Variants in ASB16 observed in about 807,000 individuals in gnomAD.
The protein encoded by ASB16 is ankyrin repeat and SOCS box containing 16, also known as ankyrin repeat and SOCS box protein 16.
ASB16 carries 44 observed loss-of-function variants against 39.1 expected under a neutral mutation model. The observed-to-expected ratio is 1.13, with a 90% CI of 0.88 to 1.45. The LOEUF is 1.45. ASB16 is among the 40% of genes most tolerant of loss of function. ASB16 has a pLI of 0.00. For missense variants in ASB16, 698 were observed against 634.5 expected, an observed-to-expected ratio of 1.10 and a Z score of -1.07; for synonymous variants, 305 against 286.7, an observed-to-expected ratio of 1.06 and a Z score of -0.64.
intron 4 of ASB16, 43 bp from the exon 5 acceptor site, chr17:44,178,162 G>A (rs756732895): frequency 2.5e-6 from 4 of 1,602,792 alleles, no homozygotes; most frequent in Non-Finnish European, 3.4e-6. Context: ...GCCCCCAGAT[G>A]GTAGGGCAAG....
intron 1 of ASB16, among the ~76,000 whole-genome samples, 168 bp downstream of exon 1, chr17:44,171,258 T>C (rs978391534): frequency 1.3e-5 from 2 of 152,098 alleles, no homozygotes; most frequent in Non-Finnish European, 2.9e-5. Flanking sequence ...GTTAGCAGTC[T>C]GTATGTCTTT....
chr17:44,177,412 A>G, intron 3 of ASB16, 182 bp downstream of exon 3: 1 of 1,152,096 alleles, frequency 8.7e-7, no homozygotes, highest in Non-Finnish European at 1.2e-6. Context: ...AAGGGAGGGA[A>G]GAGCCCCAGA....
chr17:44,177,952 T>A, intron 4 of ASB16: 1 of 680,770 alleles, frequency 1.5e-6, no homozygotes, highest in Non-Finnish European at 2.5e-6. Flanking sequence ...TTATCTGGCA[T>A]CTCTTAACTT....
chr17:44,178,498 A>AG lies in ASB16; in HGVS notation c.*109dup. The AG allele has an allele frequency of 9.2e-6, 11 of 1,190,482 alleles. No homozygotes were observed. Among genetic ancestry groups the AG allele is most frequent in the Non-Finnish European group, 1.3e-5 (11 of 863,866 alleles). 73.7% of individuals were successfully genotyped at this position (1,190,482 alleles called of 1,614,324 possible). A position where few individuals can be genotyped will look rare whatever the true frequency, so the allele number is the denominator to read the frequency against. On this transcript the variant is annotated 3_prime_UTR_variant, in exon 5 of 5. Coordinates refer to ENST00000293414, the MANE Select transcript of ASB16 (RefSeq NM_080863.5). ...CTCTTTTCTTTTCTTTTTGAGACCT[A>AG]GTCTCACTCTGTTGCCCAGGCTGGA...
chr17:44,177,401 C>T (rs1269100426), intron 3 of ASB16, 171 bp downstream of exon 3: 1 of 1,190,038 alleles, frequency 8.4e-7, no homozygotes, highest in Non-Finnish European at 1.2e-6. Context: ...AGAGAGAGTC[C>T]AAGGGAGGGA....
rs778890473 is a variant in ASB16 at position 44,172,295 on chromosome 17, C to G, written c.551C>G (p.Thr184Arg). 1 of 1,612,810 alleles carries G rather than the reference C, an allele frequency of 6.2e-7. No homozygotes were observed. Among genetic ancestry groups the G allele is most frequent in the South Asian group, 1.1e-5 (1 of 91,080 alleles). Residue 184 changes from threonine (T) to arginine (R), a missense_variant, in exon 2 of 5, where the codon ACG becomes AGG. Physicochemically the swap from Thr to Arg is moderately conservative, Grantham distance 71. Coordinates refer to ENST00000293414, the MANE Select transcript of ASB16 (RefSeq NM_080863.5). ...EEGTTPLHLC[T>R]IPESLQCAKL... ...GGCACGACTCCTTTGCACCTCTGCA[C>G]GATCCCCGAGTCCTTGCAGTAGGTG...
Position 44,177,740 on chromosome 17 carries a change from C to A in ASB16, c.1176+18C>A. On this transcript the variant is annotated intron_variant, in intron 4 of 4. Transcript: ENST00000293414. ...TGTGGAAGGTATGTTTGCCTCAGGG[C>A]CGAGATGGGGAGGAGGGACGAGCCA... is the stretch of plus-strand genomic sequence containing the variant. 6.2e-7 allele frequency: 1 copy of A among 1,610,328 alleles called. No homozygotes were observed. The highest frequency in any genetic ancestry group is 1.1e-5 in the South Asian group (1 of 90,586).
rs551504997 is a variant in ASB16, at chr17:44,178,511, T to C, written c.*121T>C. The stretch of plus-strand genomic sequence containing the variant: ...TTTTTGAGACCTAGTCTCACTCTGT[T>C]GCCCAGGCTGGAGTGCAGTGGCGCT... On this transcript the variant is annotated 3_prime_UTR_variant, in exon 5 of 5. Coordinates refer to ENST00000293414, the MANE Select transcript of ASB16 (RefSeq NM_080863.5). The C allele has an allele frequency of 8.8e-5, 98 of 1,119,166 alleles. No homozygotes were observed. The African/African-American group carries it at 1.5e-3, about 17-fold the overall frequency. The allele number at this position is 1,119,166 out of a possible 1,614,324, so 69.3% of individuals were successfully genotyped here.
chr17:44,171,923 G>A, intron 1 of ASB16, 123 bp from the exon 2 acceptor site: 3 of 1,024,362 alleles, frequency 2.9e-6, no homozygotes, highest in Non-Finnish European at 4.2e-6. Context: ...GCCTGGCAGT[G>A]TTTGTGCTCA....
chr17:44,176,918 G>A lies in ASB16; in HGVS notation c.750G>A (p.Ala250=), dbSNP rs200176006. 2.8e-4 allele frequency: 438 copies of A among 1,558,414 alleles called. 1 individual carries two copies. The highest frequency in any genetic ancestry group is 1.1e-3 in the Middle Eastern group (6 of 5,574). Residue 250 remains alanine, a synonymous_variant, in exon 3 of 5, where the codon GCG becomes GCA. Transcript: ENST00000293414. The part of the protein sequence containing the change: ...TSQGETALNT[A]CAGAEGPGSC... The stretch of plus-strand genomic sequence containing the variant: ...AGGGCGAGACTGCGCTGAACACGGC[G>A]TGCGCTGGGGCCGAGGGCCCAGGTA...
At chr17:44,177,963 G>T in intron 4 of ASB16, 2 of 678,710 alleles carry the variant, frequency 2.9e-6, no homozygotes, top group East Asian at 5.5e-5. Context: ...CTCTTAACTT[G>T]GTGGGCACTG....
rs533070975 is a variant in ASB16, at chr17:44,177,199, T to C, written c.1031T>C (p.Leu344Pro). Residue 344 changes from leucine (L) to proline (P), a missense_variant, in exon 3 of 5, where the codon CTG (leucine) becomes CCG (proline). Coordinates refer to ENST00000293414, the MANE Select transcript of ASB16 (RefSeq NM_080863.5). ...WEPEVLFAAL[L>P]DYGAQPVRPE... ...CCTGAAGTCCTTTTCGCCGCACTGC[T>C]GGACTACGGGGCGCAGCCAGTGCGC... The C allele has an allele frequency of 2.1e-5, 32 of 1,541,672 alleles. No individual in the cohort carries two copies. In the South Asian group the frequency reaches 3.6e-4, roughly 17 times the overall value.
At position 44,177,645 on chromosome 17, in the gene ASB16, G is replaced by T. The variant is rs376241371; in HGVS notation, c.1099G>T (p.Glu367Ter). ...CTGCGCCAACTTCCCTCGGGCCCTGGAAGTCCTGCTTAATGCCTATCCTTG... is the reference window on the plus strand; with the variant it reads ...CTGCGCCAACTTCCCTCGGGCCCTGTAAGTCCTGCTTAATGCCTATCCTTG... ...KHCANFPRAL[E>*]VLLNAYPCVP... The change falls in exon 4 of 5, where the codon GAA becomes TAA. Residue 367 changes from glutamate to a stop codon, truncating the protein, a stop_gained. Coordinates refer to ENST00000293414, the MANE Select transcript of ASB16 (RefSeq NM_080863.5). LOFTEE classifies it high-confidence loss of function. 5 of 1,613,910 alleles carry T rather than the reference G, an allele frequency of 3.1e-6. No individual in the cohort carries two copies. In the South Asian group the frequency reaches 5.5e-5, roughly 18 times the overall value.
rs762340517 is a variant in ASB16 at position 44,176,931 on chromosome 17, G to A, written c.763G>A (p.Glu255Lys). 7 of 1,536,120 alleles carry A rather than the reference G, an allele frequency of 4.6e-6. No homozygotes were observed. Among genetic ancestry groups the A allele is most frequent in the East Asian group, 2.4e-5 (1 of 40,986 alleles). ...GCTGAACACGGCGTGCGCTGGGGCC[G>A]AGGGCCCAGGTAGCTGCAGGCGACA... ...TALNTACAGA[E>K]GPGSCRRHQA... is the part of the protein sequence containing the mutation. Residue 255 changes from glutamate (E) to lysine (K), a missense_variant, in exon 3 of 5, where the codon GAG becomes AAG. By Grantham distance (56) the Glu-to-Lys change is moderately conservative (BLOSUM62 1). Transcript: ENST00000293414.
In ASB16 at chr17:44,177,019, G is replaced by A. The variant is rs1243991924; in HGVS notation, c.851G>A (p.Arg284His). ...GATGCCCGGGCGGCCGGGCGCAAGC[G>A]CCACACGCCGCTGCACAACGCTTGT... ...GADARAAGRK[R>H]HTPLHNACAN... is the part of the protein sequence containing the mutation. The change falls in exon 3 of 5, where the codon CGC (arginine) becomes CAC (histidine). Residue 284 changes from arginine (R) to histidine (H), a missense_variant. Physicochemically the swap from Arg to His is conservative, Grantham distance 29. Transcript: ENST00000293414. The A allele has an allele frequency of 8.1e-6, 12 of 1,489,652 alleles. No homozygotes were observed. The highest frequency in any genetic ancestry group is 1.5e-5 in the African/African-American group (1 of 67,784). The allele number at this position is 1,489,652 out of a possible 1,614,324, so 92.3% of individuals were successfully genotyped here.
rs946714348 is a variant in ASB16, at chr17:44,177,389, GGA to G, written c.1062+167_1062+168del. 94 of 1,225,638 alleles carry G rather than the reference GGA, an allele frequency of 7.7e-5. No individual in the cohort carries two copies. In the African/African-American group the frequency reaches 1.4e-3, roughly 18 times the overall value. The allele number at this position is 1,225,638 out of a possible 1,614,324, so 75.9% of individuals were successfully genotyped here. ...CTTGGGAGGGGGAGAGAGGATTCTGGGAGAGAGAGTCCAAGGGAGGGAAGAGC... is the reference window on the plus strand; with the variant it reads ...CTTGGGAGGGGGAGAGAGGATTCTGGGAGAGAGTCCAAGGGAGGGAAGAGC... On this transcript the variant is annotated intron_variant, in intron 3 of 4. Transcript: ENST00000293414.
chr17:44,172,448 A>G (rs577852673), intron 2 of ASB16, 135 bp downstream of exon 2: 1 of 1,036,132 alleles, frequency 9.7e-7, no homozygotes, highest in South Asian at 1.6e-5. Flanking sequence ...ACATCTTCAC[A>G]ATAACCTGGA....
In ASB16 at chr17:44,176,809, T is replaced by TG; in HGVS notation, c.642dup (p.His215AlafsTer45). On this transcript the variant is annotated frameshift_variant, in exon 3 of 5. Transcript: ENST00000293414. LOFTEE classifies it high-confidence loss of function. ...GCAGGCGAGAGCCAGGAGACGCCCC[T>TG]GCACGTGGCGGCGGCGCGCGGCCTG... The TG allele has an allele frequency of 6.2e-7, 1 of 1,613,576 alleles. No homozygotes were observed. The highest frequency in any genetic ancestry group is 8.5e-7 in the Non-Finnish European group (1 of 1,179,856).
intron 2 of ASB16, chr17:44,176,384 C>A: frequency 1.4e-5 from 4 of 286,602 alleles, no homozygotes; most frequent in Non-Finnish European, 2.6e-5. Context: ...AAGGAGACAA[C>A]TGACAACTGA....
Sources: allele counts gnomAD v4.1 joint callset (sites outside exome capture counted in the v4.1 genomes callset), GRCh38; gene constraint gnomAD v4.1.1; transcripts MANE v1.5; gene names NCBI Gene and HGNC (gene_info 2026-07-23, HGNC 2026-07-21).